Variants in RNF216 observed in about 807,000 individuals in gnomAD.
The protein encoded by RNF216 is E3 ubiquitin-protein ligase RNF216.
In RNF216, 72 loss-of-function variants were observed where a neutral mutation model predicts 110.8. The observed-to-expected ratio is 0.65, with a 90% CI of 0.54 to 0.79. The LOEUF (loss-of-function observed/expected upper bound fraction) is 0.79. RNF216 is among the 30% of genes least tolerant of loss of function. The probability of loss-of-function intolerance (pLI) is 0.00; values close to 1 mark genes in which losing one functional copy is unlikely to be tolerated. For synonymous variants in RNF216, 495 were observed against 407.5 expected (o/e 1.21, Z -2.59); for missense variants, 1,342 against 1,141.2 (o/e 1.18, Z -2.54).
chr7:5,730,915 A>C, intron 5 of RNF216, 98 bp from the exon 6 acceptor site: 1 of 1,511,032 alleles, frequency 6.6e-7, no homozygotes, highest in South Asian at 1.2e-5. Context: ...CCTTAGTCAC[A>C]CATTACAACT....
chr7:5,710,275 G>A (rs192198841), intron 13 of RNF216, among the ~76,000 whole-genome samples: 113 of 152,148 alleles, frequency 7.4e-4, no homozygotes, highest in African/African-American at 2.4e-3. Flanking sequence ...CAGGAGAACT[G>A]CTTGAAGCCA....
intron 13 of RNF216, among the ~76,000 whole-genome samples, chr7:5,666,083 G>A (rs952142286): frequency 3.3e-5 from 5 of 151,392 alleles, no homozygotes; most frequent in Admixed American, 1.3e-4. Flanking sequence ...GGAGAATGGC[G>A]TGAACCTGGG....
At chr7:5,748,135 T>C (rs1193293599) in intron 3 of RNF216, among the ~76,000 whole-genome samples, 2 of 152,122 alleles carry the variant, frequency 1.3e-5, no homozygotes, top group African/African-American at 4.8e-5. Context: ...CCACTACAAC[T>C]CTTAACACAG....
rs1434162504 is a variant in RNF216, at chr7:5,740,958, T to C, written c.1044+15A>G. On this transcript the variant is annotated intron_variant, in intron 4 of 16. Coordinates refer to ENST00000389902, the MANE Select transcript of RNF216 (RefSeq NM_207111.4). ...ATATGTAGTGTCTACATTTACTTGA[T>C]AAAATAAAACTTACCGTTTCTTTCA... 1 of 1,569,186 alleles carries C rather than the reference T, an allele frequency of 6.4e-7. No homozygotes were observed. Among genetic ancestry groups the C allele is most frequent in the African/African-American group, 1.4e-5 (1 of 72,740 alleles).
In RNF216 at chr7:5,714,913, C is replaced by T. The variant is rs115714050; in HGVS notation, c.1833+140G>A. 766 of 636,460 alleles carry T rather than the reference C, an allele frequency of 1.2e-3. 3 individuals carry two copies. The African/African-American group carries it at 0.013, about 11-fold the overall frequency. 39.4% of individuals were successfully genotyped at this position (636,460 alleles called of 1,614,324 possible). A position where few individuals can be genotyped will look rare whatever the true frequency, so the allele number is the denominator to read the frequency against. ...CTCAGAGAACCCACATAATCACATA[C>T]ATCAGGTAATGTACACATAAGCATA... On this transcript the variant is annotated intron_variant, in intron 11 of 16. Coordinates refer to ENST00000389902, the MANE Select transcript of RNF216 (RefSeq NM_207111.4).
intron 13 of RNF216, among the ~76,000 whole-genome samples, chr7:5,662,733 T>C (rs1789228311): frequency 1.3e-5 from 2 of 151,972 alleles, no homozygotes; most frequent in Non-Finnish European, 2.9e-5. Flanking sequence ...CAGATAACTG[T>C]ATACTCTGAG....
chr7:5,716,823 C>G, intron 9 of RNF216, 57 bp from the exon 10 acceptor site: 1 of 1,309,884 alleles, frequency 7.6e-7, no homozygotes, highest in African/African-American at 1.5e-5. Context: ...TGACACTAAC[C>G]ATTTAGTATT....
At chr7:5,773,847 G>C (rs1009020888) in intron 1 of RNF216, among the ~76,000 whole-genome samples, 2 of 152,186 alleles carry the variant, frequency 1.3e-5, no homozygotes, top group South Asian at 2.1e-4. Context: ...GATAACAGGC[G>C]AGTCACCGTG....
rs569518497 is a variant in RNF216, at chr7:5,736,817, T to A, written c.1121+2459A>T. Among the ~76,000 whole-genome samples the A allele has an allele frequency of 6.6e-5, 10 of 151,172 alleles. No homozygotes were observed. In the South Asian group the frequency reaches 1.9e-3, roughly 29 times the overall value. On this transcript the variant is annotated intron_variant, in intron 5 of 16. Coordinates refer to ENST00000389902, the MANE Select transcript of RNF216 (RefSeq NM_207111.4). ...AGCGTCTCTGCCCGGCCGCCCCGTC[T>A]GAGAAGTGAGGAGCCCCTCCGCCCC...
At chr7:5,712,177 T>C (rs1190439692) in intron 12 of RNF216, among the ~76,000 whole-genome samples, 1 of 152,232 alleles carries the variant, frequency 6.6e-6, no homozygotes, top group African/African-American at 2.4e-5. Context: ...CCAAGATATG[T>C]AGACAGAAGT....
intron 1 of RNF216, among the ~76,000 whole-genome samples, chr7:5,779,159 ATAG>A (rs1293660058): frequency 9.2e-5 from 14 of 152,232 alleles, no homozygotes; most frequent in Non-Finnish European, 1.5e-4. Context: ...AACACATTAA[ATAG>A]TAGCTGGTAG....
intron 5 of RNF216, among the ~76,000 whole-genome samples, chr7:5,734,608 C>CTTTCCTCACTGTAAGA (rs201100224): frequency 7.3e-6 from 1 of 136,944 alleles, no homozygotes; most frequent in African/African-American, 3.3e-5. Flanking sequence ...AAATGGCTTT[C>CTTTCCTCACTGTAAGA]AAGGTTAAAT....
rs993948546 is a variant in RNF216 at position 5,641,893 on chromosome 7, C to T, written c.2160-517G>A. On this transcript the variant is annotated intron_variant, in intron 14 of 16. Coordinates refer to ENST00000389902, the MANE Select transcript of RNF216 (RefSeq NM_207111.4). ...ACTAAAAATACAAAAATTTGCCAGG[C>T]GTGGTAGTGCACACCTGTAATCCCA... Among the ~76,000 whole-genome samples the T allele has an allele frequency of 5.3e-5, 8 of 151,780 alleles. No homozygotes were observed. In the East Asian group the frequency reaches 5.8e-4, roughly 11 times the overall value.
chr7:5,633,692 A>G (rs1562773561), intron 15 of RNF216, among the ~76,000 whole-genome samples: 1 of 152,152 alleles, frequency 6.6e-6, no homozygotes, highest in Non-Finnish European at 1.5e-5. Flanking sequence ...CGCAGAAAGA[A>G]CTCAGCCTGA....
chr7:5,691,590 C>G (rs532892415), intron 13 of RNF216, among the ~76,000 whole-genome samples: 1 of 152,228 alleles, frequency 6.6e-6, no homozygotes, highest in African/African-American at 2.4e-5. Context: ...TAAGTCTATT[C>G]TTTAAAATGC....
chr7:5,744,055 C>G (rs1794907989), intron 3 of RNF216, among the ~76,000 whole-genome samples: 1 of 152,094 alleles, frequency 6.6e-6, no homozygotes, highest in South Asian at 2.1e-4. Context: ...AGAGAAGTAA[C>G]AGACAACAGA....
intron 1 of RNF216, among the ~76,000 whole-genome samples, chr7:5,764,004 C>A (rs1031360037): frequency 1.3e-5 from 2 of 152,026 alleles, no homozygotes; most frequent in Non-Finnish European, 2.9e-5. Context: ...GCCTGGCCAA[C>A]ATGGGCGAAA....
At chr7:5,637,774 CAA>C (rs540400567) in intron 15 of RNF216, among the ~76,000 whole-genome samples, 63 of 152,298 alleles carry the variant, frequency 4.1e-4, no homozygotes, top group African/African-American at 1.3e-3. Context: ...TCCTGAGACT[CAA>C]GAGATCTGCC....
At chr7:5,724,407 C>T (rs1278166051) in intron 8 of RNF216, among the ~76,000 whole-genome samples, 4 of 152,198 alleles carry the variant, frequency 2.6e-5, no homozygotes, top group African/African-American at 4.8e-5. Context: ...GCACTTTCTC[C>T]ACCACTGAAG....
Sources: gnomAD v4.1 joint callset for allele counts (sites outside exome capture counted in the v4.1 genomes callset) on GRCh38, gnomAD v4.1.1 for gene constraint, MANE v1.5 for transcripts, NCBI Gene and HGNC (gene_info 2026-07-23, HGNC 2026-07-21) for gene names.